ATAD1: variants seen among roughly 807,000 people sequenced by gnomAD.
ATAD1 encodes outer mitochondrial transmembrane helix translocase.
ATAD1 carries 18 observed loss-of-function variants against 42.7 expected under a neutral mutation model. The ratio of observed to expected loss-of-function variants is 0.42; its 90% CI spans 0.29 to 0.63. The LOEUF is 0.63. Among genes scored for constraint, ATAD1 ranks in the 20% least tolerant of loss-of-function variants. The probability of loss-of-function intolerance (pLI) is 0.19; values close to 1 mark genes in which losing one functional copy is unlikely to be tolerated. For missense variants in ATAD1, 294 were observed against 440.4 expected, an observed-to-expected ratio of 0.67 and a Z score of 2.98; for synonymous variants, 132 against 143.1, an observed-to-expected ratio of 0.92 and a Z score of 0.55.
chr10:87,837,958 G>T (rs79477260), intron 1 of ATAD1, among the ~76,000 whole-genome samples: 2,518 of 152,256 alleles, frequency 0.017, 38 homozygotes, highest in Admixed American at 0.027. Context: ...CACACTCTCT[G>T]AGTATTAGGA....
chr10:87,796,534 G>A (rs1372784068), intron 2 of ATAD1, among the ~76,000 whole-genome samples: 1 of 152,178 alleles, frequency 6.6e-6, no homozygotes, highest in African/African-American at 2.4e-5. Flanking sequence ...GTTGACTGAT[G>A]TTTCGTGTCT....
At chr10:87,831,120 A>T (rs1211435723) in intron 1 of ATAD1, among the ~76,000 whole-genome samples, 1 of 152,218 alleles carries the variant, frequency 6.6e-6, no homozygotes, top group African/African-American at 2.4e-5. Context: ...TAGTGTCTAC[A>T]TTATAGAGTT....
intron 2 of ATAD1, among the ~76,000 whole-genome samples, chr10:87,800,393 T>G (rs972598376): frequency 6.6e-6 from 1 of 152,166 alleles, no homozygotes; most frequent in Non-Finnish European, 1.5e-5. Context: ...TCAGCTCATA[T>G]TAAGTTTTTT....
At chr10:87,821,180 C>G (rs1053546011), upstream of ATAD1, among the ~76,000 whole-genome samples, 29 of 152,078 alleles carry the variant, frequency 1.9e-4, no homozygotes, top group African/African-American at 5.8e-4. Context: ...CTAGTTTGCT[C>G]TGCAATCAAG....
At chr10:87,785,902 T>C (rs969342892) in intron 4 of ATAD1, among the ~76,000 whole-genome samples, 1 of 152,254 alleles carries the variant, frequency 6.6e-6, no homozygotes, top group African/African-American at 2.4e-5. Flanking sequence ...AGTTTAATCA[T>C]ATGAAACTAA....
chr10:87,767,118 C>T (rs547750414), intron 8 of ATAD1, among the ~76,000 whole-genome samples: 3 of 152,192 alleles, frequency 2.0e-5, no homozygotes, highest in African/African-American at 7.2e-5. Flanking sequence ...TGAAAAATAT[C>T]AGAGCATTTT....
intron 1 of ATAD1, chr10:87,832,076 T>TTTTA (rs1857840772): frequency 8.5e-6 from 1 of 117,650 alleles, no homozygotes; most frequent in Non-Finnish European, 1.7e-5. Flanking sequence ...TGTTATGGCT[T>TTTTA]TTTTTTTTTT....
intron 2 of ATAD1, among the ~76,000 whole-genome samples, chr10:87,811,950 G>T (rs4443987): frequency 6.6e-6 from 1 of 151,918 alleles, no homozygotes; most frequent in African/African-American, 2.4e-5. Context: ...AAGTCTTTGA[G>T]GTATCCAGAC....
intron 2 of ATAD1, among the ~76,000 whole-genome samples, chr10:87,812,417 A>C (rs960806404): frequency 3.3e-5 from 5 of 151,978 alleles, no homozygotes. Flanking sequence ...GTGCACCACT[A>C]CGTCCGGCTA....
chr10:87,779,472 AATAAG>A (rs1855470164), intron 5 of ATAD1, among the ~76,000 whole-genome samples: 1 of 152,216 alleles, frequency 6.6e-6, no homozygotes, highest in South Asian at 2.1e-4. Flanking sequence ...AAAGTTCAAC[AATAAG>A]ATAATAACCT....
chr10:87,776,411 G>A lies in ATAD1; in HGVS notation c.600C>T (p.Asn200=), dbSNP rs143698682. 1.9e-5 allele frequency: 30 copies of A among 1,613,190 alleles called. No individual in the cohort carries two copies. In the African/African-American group the frequency reaches 3.6e-4, roughly 19 times the overall value. Residue 200 remains asparagine (N), a synonymous_variant, in exon 6 of 10, where the codon AAC becomes AAT. Coordinates refer to ENST00000680024, the MANE Select transcript of ATAD1 (RefSeq NM_001321967.2). ...FIDEIDSFLR[N]RSSSDHEATA... Reference sequence around the variant, plus strand: ...TAGCTTCATGGTCAGAACTTGAACGGTTTCGTAGAAAGGAGTCTAGAAGTA... The same window carrying A: ...TAGCTTCATGGTCAGAACTTGAACGATTTCGTAGAAAGGAGTCTAGAAGTA...
rs1475127680 is a variant in ATAD1, at chr10:87,752,062, G to A, written c.*2625C>T. The A allele has an allele frequency of 3.3e-5, 5 of 152,120 alleles. No individual in the cohort carries two copies. Among genetic ancestry groups the A allele is most frequent in the Non-Finnish European group, 2.9e-5 (2 of 68,018 alleles). 9.4% of individuals were successfully genotyped at this position (152,120 alleles called of 1,614,324 possible). On this transcript the variant is annotated 3_prime_UTR_variant, in exon 10 of 10. Coordinates refer to ENST00000680024, the MANE Select transcript of ATAD1 (RefSeq NM_001321967.2). ...AAGCTATTATGATGCATACAGAATAGAGTACCCCAACCCAGCTCTTAATGA... is the reference window on the plus strand; with the variant it reads ...AAGCTATTATGATGCATACAGAATAAAGTACCCCAACCCAGCTCTTAATGA...
At chr10:87,813,581 C>T (rs1052948069) in intron 2 of ATAD1, among the ~76,000 whole-genome samples, 4 of 152,002 alleles carry the variant, frequency 2.6e-5, no homozygotes, top group African/African-American at 9.7e-5. Context: ...CATTTATTTA[C>T]ATCCCTATTT....
chr10:87,788,987 T>A (rs1855967283), intron 4 of ATAD1, among the ~76,000 whole-genome samples: 1 of 152,190 alleles, frequency 6.6e-6, no homozygotes, highest in South Asian at 2.1e-4. Context: ...CTTTGTTGTT[T>A]TAATAATAAA....
chr10:87,767,648 G>A (rs371923987), intron 8 of ATAD1, 25 bp downstream of exon 8: 143 of 1,589,760 alleles, frequency 9.0e-5, no homozygotes, highest in Non-Finnish European at 1.2e-4. Flanking sequence ...ATAGGACGGG[G>A]AAAAAATTTT....
chr10:87,823,587 A>G (rs1359375055), intron 1 of ATAD1, among the ~76,000 whole-genome samples: 1 of 152,212 alleles, frequency 6.6e-6, no homozygotes, highest in African/African-American at 2.4e-5. Flanking sequence ...ATTGAGTAAG[A>G]ATAACAAAGA....
chr10:87,837,240 T>C (rs1857946235), intron 1 of ATAD1, among the ~76,000 whole-genome samples: 1 of 152,242 alleles, frequency 6.6e-6, no homozygotes, highest in South Asian at 2.1e-4. Context: ...TAATATATTA[T>C]AAGACTCTGG....
chr10:87,756,519 T>C (rs185229176), intron 9 of ATAD1, among the ~76,000 whole-genome samples: 40 of 152,322 alleles, frequency 2.6e-4, no homozygotes, highest in Non-Finnish European at 5.4e-4. Context: ...AAATTTCCCC[T>C]CACATTTACA....
intron 3 of ATAD1, 66 bp downstream of exon 3, chr10:87,792,589 CCT>C (rs1233690754): frequency 1.7e-6 from 2 of 1,192,512 alleles, no homozygotes; most frequent in Non-Finnish European, 2.5e-6. Flanking sequence ...CTTTAAGACC[CCT>C]GACACAAAAT....
Sources: gnomAD v4.1 joint callset for allele counts (sites outside exome capture counted in the v4.1 genomes callset) on GRCh38, gnomAD v4.1.1 for gene constraint, MANE v1.5 for transcripts, NCBI Gene and HGNC (gene_info 2026-07-23, HGNC 2026-07-21) for gene names.